CCDC171: variants seen among roughly 807,000 people sequenced by gnomAD.
The protein encoded by CCDC171 is coiled-coil domain containing 171.
A neutral mutation model predicts 168.2 loss-of-function variants in CCDC171; 177 were observed. The observed-to-expected ratio is 1.05, with a 90% confidence interval of 0.93 to 1.19. The LOEUF (loss-of-function observed/expected upper bound fraction) is 1.19, where lower values mean the gene tolerates loss of function less well. Ranked by LOEUF, CCDC171 falls within the 50% of genes most tolerant of loss-of-function variation. The pLI, the probability that CCDC171 is intolerant of heterozygous loss-of-function variation, is 0.00. For synonymous variants in CCDC171, 687 were observed against 540.8 expected, an observed-to-expected ratio of 1.27 and a Z score of -3.75; for missense variants, 1,991 against 1,539.0, an observed-to-expected ratio of 1.29 and a Z score of -4.91.
chr9:15,977,712 T>A (rs538122421), downstream of CCDC171, among the ~76,000 whole-genome samples: 1 of 152,166 alleles, frequency 6.6e-6, no homozygotes, highest in Non-Finnish European at 1.5e-5. Context: ...TGTGCGGCTA[T>A]AGGAAACTAC....
intron 6 of CCDC171, among the ~76,000 whole-genome samples, chr9:15,612,788 T>TTA (rs1250828843): frequency 2.6e-5 from 4 of 152,226 alleles, no homozygotes; most frequent in Non-Finnish European, 5.9e-5. Context: ...TTTGGTGGCT[T>TTA]TATTTTGATC....
At chr9:15,673,996 A>G (rs2049321185) in intron 9 of CCDC171, among the ~76,000 whole-genome samples, 1 of 151,980 alleles carries the variant, frequency 6.6e-6, no homozygotes. Context: ...TTTTTGGTTG[A>G]GAGGCTATTA....
At chr9:15,793,908 G>A (rs1366057108) in intron 21 of CCDC171, among the ~76,000 whole-genome samples, 1 of 151,822 alleles carries the variant, frequency 6.6e-6, no homozygotes, top group East Asian at 1.9e-4. Flanking sequence ...ACTCTCTGGG[G>A]CATAGACAGT....
chr9:15,856,637 G>C (rs2061358453), intron 23 of CCDC171, among the ~76,000 whole-genome samples: 1 of 151,934 alleles, frequency 6.6e-6, no homozygotes, highest in African/African-American at 2.4e-5. Context: ...TCCAGATCTT[G>C]GCTATTATAA....
chr9:15,962,248 C>G (rs1830417166), intron 25 of CCDC171, among the ~76,000 whole-genome samples: 1 of 152,082 alleles, frequency 6.6e-6, no homozygotes, highest in Admixed American at 6.6e-5. Context: ...TTTGGTTAGA[C>G]CCAAGCATTT....
chr9:15,730,867 T>C (rs2054107798), intron 16 of CCDC171, among the ~76,000 whole-genome samples: 1 of 152,036 alleles, frequency 6.6e-6, no homozygotes, highest in Non-Finnish European at 1.5e-5. Context: ...ATTTTAATTT[T>C]GTAGAGGTAG....
chr9:15,733,286 T>G (rs1049213280), intron 16 of CCDC171, among the ~76,000 whole-genome samples: 5 of 152,188 alleles, frequency 3.3e-5, no homozygotes, highest in Admixed American at 1.3e-4. Flanking sequence ...AAGCAAATGT[T>G]TCAAATTTTT....
chr9:15,803,627 G>T (rs1199158859), intron 21 of CCDC171, among the ~76,000 whole-genome samples: 2 of 152,034 alleles, frequency 1.3e-5, no homozygotes, highest in Admixed American at 6.6e-5. Context: ...CTATGTGTCT[G>T]TTCTTGTACC....
At chr9:15,612,093 C>G (rs2043739345) in intron 6 of CCDC171, among the ~76,000 whole-genome samples, 1 of 152,154 alleles carries the variant, frequency 6.6e-6, no homozygotes, top group Non-Finnish European at 1.5e-5. Context: ...TCTGCCAACA[C>G]CTTGATCTTG....
intron 4 of CCDC171, among the ~76,000 whole-genome samples, chr9:15,581,304 C>T (rs276447): frequency 0.53 from 80,378 of 151,894 alleles, 21,537 homozygotes; most frequent in East Asian, 0.75. Flanking sequence ...TGGAAAAATA[C>T]TTCACGCTCA....
intron 25 of CCDC171, among the ~76,000 whole-genome samples, chr9:15,937,839 A>C (rs578059723): frequency 6.6e-6 from 1 of 152,054 alleles, no homozygotes; most frequent in East Asian, 2.0e-4. Context: ...CTCATTGAGT[A>C]TTTAACTCTG....
chr9:15,679,340 A>T (rs1395362703), intron 10 of CCDC171, among the ~76,000 whole-genome samples: 1 of 151,966 alleles, frequency 6.6e-6, no homozygotes, highest in African/African-American at 2.4e-5. Context: ...TAAAATATTG[A>T]TCTGTTTTTG....
chr9:16,049,135 T>G (rs1397385819), intron 1 of CCDC171, among the ~76,000 whole-genome samples: 1 of 152,144 alleles, frequency 6.6e-6, no homozygotes, highest in Non-Finnish European at 1.5e-5. Flanking sequence ...AGCCGAATTC[T>G]AGGGAGGGGA....
chr9:15,744,783 A>G lies in CCDC171; in HGVS notation c.2554+6A>G. 1 of 1,603,462 alleles carries G rather than the reference A, an allele frequency of 6.2e-7. No homozygotes were observed. The highest frequency in any genetic ancestry group is 8.5e-7 in the Non-Finnish European group (1 of 1,174,786). ...AGACAAGCATAAATTTCCAAGTAAG[A>G]TAATTTCTGCTTTTAAAAATATAAG... On this transcript the variant is annotated splice_donor_region_variant and intron_variant, in intron 17 of 25. Coordinates refer to ENST00000380701, the MANE Select transcript of CCDC171 (RefSeq NM_173550.4).
intron 21 of CCDC171, among the ~76,000 whole-genome samples, chr9:15,814,015 A>C (rs1000805691): frequency 1.3e-5 from 2 of 152,202 alleles, no homozygotes; most frequent in African/African-American, 4.8e-5. Context: ...AGGCCTTGGG[A>C]ATACCATGGC....
At chr9:16,011,237 G>T (rs1832860233) in intron 3 of CCDC171, among the ~76,000 whole-genome samples, 1 of 152,114 alleles carries the variant, frequency 6.6e-6, no homozygotes, top group South Asian at 2.1e-4. Context: ...TGGAAAGACA[G>T]ACACTGGGCC....
intron 1 of CCDC171, among the ~76,000 whole-genome samples, chr9:15,560,570 A>T (rs749864196): frequency 1.2e-4 from 19 of 152,056 alleles, no homozygotes; most frequent in Non-Finnish European, 2.4e-4. Flanking sequence ...CATCGTTTTC[A>T]GCTCCATCAG....
At chr9:15,603,562 T>C (rs2043014967) in intron 6 of CCDC171, among the ~76,000 whole-genome samples, 1 of 152,216 alleles carries the variant, frequency 6.6e-6, no homozygotes, top group African/African-American at 2.4e-5. Flanking sequence ...GCTCTATCCA[T>C]GTCCCTGCAA....
At chr9:15,559,317 A>G (rs1405746923) in intron 1 of CCDC171, among the ~76,000 whole-genome samples, 1 of 152,042 alleles carries the variant, frequency 6.6e-6, no homozygotes, top group Non-Finnish European at 1.5e-5. Flanking sequence ...TGATCTGTCT[A>G]ATGTTTACAG....
Sources: allele counts gnomAD v4.1 joint callset (sites outside exome capture counted in the v4.1 genomes callset), GRCh38; gene constraint gnomAD v4.1.1; transcripts MANE v1.5; gene names NCBI Gene and HGNC (gene_info 2026-07-23, HGNC 2026-07-21).